The following CTNNA3 variants were observed in gnomAD, a reference collection of about 807,000 sequenced individuals.
The protein encoded by CTNNA3 is catenin alpha-3.
A neutral mutation model predicts 95.7 loss-of-function variants in CTNNA3; 76 were observed. That is an observed-to-expected ratio of 0.79 (90% CI 0.66 to 0.96). The LOEUF is 0.96. Ranked by LOEUF, CTNNA3 falls within the 40% of genes least tolerant of loss-of-function variation. The pLI, the probability that CTNNA3 is intolerant of heterozygous loss-of-function variation, is 0.00. For missense variants in CTNNA3, 1,191 were observed against 1,089.8 expected (o/e 1.09, Z -1.31); for synonymous variants, 431 against 374.4 (o/e 1.15, Z -1.74).
At chr10:66,004,747 G>A (rs2078844881) in intron 15 of CTNNA3, among the ~76,000 whole-genome samples, 4 of 152,268 alleles carry the variant, frequency 2.6e-5, no homozygotes, top group Admixed American at 2.6e-4. Flanking sequence ...TCACCCTAAG[G>A]AGAAAACTAG....
At chr10:66,166,510 A>ATATCTCACAATGACCTG in intron 13 of CTNNA3, among the ~76,000 whole-genome samples, 1 of 151,590 alleles carries the variant, frequency 6.6e-6, no homozygotes, top group Non-Finnish European at 1.5e-5. Context: ...AAAAAAAAAA[A>ATATCTCACAATGACCTG]AAAAAAAAGA....
chr10:67,002,471 G>C (rs1851745375), intron 7 of CTNNA3, among the ~76,000 whole-genome samples: 1 of 152,104 alleles, frequency 6.6e-6, no homozygotes, highest in African/African-American at 2.4e-5. Flanking sequence ...CCAAGCCATA[G>C]ATAAGAGCTA....
intron 9 of CTNNA3, among the ~76,000 whole-genome samples, chr10:66,664,173 A>C (rs1045224186): frequency 6.6e-6 from 1 of 152,100 alleles, no homozygotes; most frequent in Non-Finnish European, 1.5e-5. Context: ...GTCCTGCTGA[A>C]TACTTATCAG....
chr10:67,206,114 C>T (rs1863887374), intron 6 of CTNNA3, among the ~76,000 whole-genome samples: 1 of 152,112 alleles, frequency 6.6e-6, no homozygotes, highest in African/African-American at 2.4e-5. Flanking sequence ...ATAAAAAGTT[C>T]CTTTGGATAA....
chr10:66,528,097 T>A (rs1217191005), intron 10 of CTNNA3, among the ~76,000 whole-genome samples: 1 of 152,110 alleles, frequency 6.6e-6, no homozygotes, highest in African/African-American at 2.4e-5. Flanking sequence ...GGACATTCCC[T>A]GCCCACGCTC....
intron 9 of CTNNA3, among the ~76,000 whole-genome samples, chr10:66,732,191 C>T (rs1848984426): frequency 3.9e-5 from 6 of 152,186 alleles, no homozygotes; most frequent in Admixed American, 3.3e-4. Context: ...TTTGAGTCAG[C>T]TAGACTAGGT....
At chr10:66,449,532 G>C (rs763163574) in intron 11 of CTNNA3, among the ~76,000 whole-genome samples, 2 of 151,968 alleles carry the variant, frequency 1.3e-5, no homozygotes, top group African/African-American at 4.8e-5. Context: ...GTTAATTTTA[G>C]CTTCATAAAT....
At chr10:66,913,238 C>CAAA (rs1161880781) in intron 7 of CTNNA3, among the ~76,000 whole-genome samples, 6,708 of 33,544 alleles carry the variant, frequency 0.2, 1,834 homozygotes, top group Middle Eastern at 0.31. Context: ...GACTCCGTCT[C>CAAA]AAAAAAAAAA....
chr10:66,738,038 C>G (rs943505424), intron 9 of CTNNA3, among the ~76,000 whole-genome samples: 1 of 152,168 alleles, frequency 6.6e-6, no homozygotes, highest in South Asian at 2.1e-4. Context: ...AAAAATCTAA[C>G]AGTATATTCT....
chr10:66,211,138 G>A (rs1028475574), intron 13 of CTNNA3, among the ~76,000 whole-genome samples: 3 of 152,144 alleles, frequency 2.0e-5, no homozygotes, highest in Non-Finnish European at 4.4e-5. Context: ...CGGCAGCACA[G>A]TTGCAACAGT....
At chr10:66,857,331 A>C (rs763284992) in intron 7 of CTNNA3, among the ~76,000 whole-genome samples, 1 of 151,332 alleles carries the variant, frequency 6.6e-6, no homozygotes, top group Non-Finnish European at 1.5e-5. Context: ...GAAATCAGGT[A>C]ATGTGATGCC....
intron 13 of CTNNA3, among the ~76,000 whole-genome samples, chr10:66,242,603 A>C (rs1001645641): frequency 9.2e-5 from 14 of 152,226 alleles, no homozygotes; most frequent in Admixed American, 1.3e-4. Flanking sequence ...CACTTATAAG[A>C]GTGAGTAAAA....
At chr10:66,916,744 G>T (rs978341542) in intron 7 of CTNNA3, among the ~76,000 whole-genome samples, 1 of 152,166 alleles carries the variant, frequency 6.6e-6, no homozygotes, top group African/African-American at 2.4e-5. Flanking sequence ...GGAGGTGCTG[G>T]GGGGAAATTG....
At chr10:67,015,400 T>G (rs1272071644) in intron 7 of CTNNA3, 3 of 152,194 alleles carry the variant, frequency 2.0e-5, no homozygotes, top group Non-Finnish European at 2.9e-5. Flanking sequence ...GTCTAAGTTT[T>G]GTTTCAGAAT....
At chr10:67,603,226 T>C (rs988496624) in intron 3 of CTNNA3, among the ~76,000 whole-genome samples, 1 of 152,312 alleles carries the variant, frequency 6.6e-6, no homozygotes, top group African/African-American at 2.4e-5. Context: ...GAGCAAAAAC[T>C]GGCTGAATTA....
intron 5 of CTNNA3, among the ~76,000 whole-genome samples, chr10:67,484,460 A>T (rs2133062830): frequency 6.6e-6 from 1 of 152,344 alleles, no homozygotes; most frequent in African/African-American, 2.4e-5. Flanking sequence ...GAGAAGTGGG[A>T]TCTAATTAAA....
intron 7 of CTNNA3, among the ~76,000 whole-genome samples, chr10:67,075,869 A>T (rs1856720590): frequency 6.6e-6 from 1 of 152,230 alleles, no homozygotes; most frequent in Admixed American, 6.5e-5. Context: ...CTGAGCTTTC[A>T]ATCAACAATT....
chr10:67,581,918 T>C (rs1842416146), intron 3 of CTNNA3, among the ~76,000 whole-genome samples: 1 of 152,184 alleles, frequency 6.6e-6, no homozygotes, highest in South Asian at 2.1e-4. Flanking sequence ...CCCTTTATCA[T>C]TTTTTATGCA....
chr10:66,944,164 A>G (rs1254919799), intron 7 of CTNNA3, among the ~76,000 whole-genome samples: 3 of 152,242 alleles, frequency 2.0e-5, no homozygotes, highest in African/African-American at 7.2e-5. Flanking sequence ...ATTGAAGTCA[A>G]TCCTCTCAAA....
Sources: allele counts gnomAD v4.1 joint callset (sites outside exome capture counted in the v4.1 genomes callset), GRCh38; gene constraint gnomAD v4.1.1; transcripts MANE v1.5; gene names NCBI Gene and HGNC (gene_info 2026-07-23, HGNC 2026-07-21).